Variants in LRRC8D observed in about 807,000 individuals in gnomAD.
LRRC8D encodes the protein volume-regulated anion channel subunit LRRC8D.
LRRC8D carries 20 observed loss-of-function variants against 55.8 expected under a neutral mutation model. The observed-to-expected ratio is 0.36, with a 90% CI of 0.25 to 0.52. The LOEUF is 0.52. LRRC8D is among the 20% of genes least tolerant of loss of function. The pLI is 0.93. For synonymous variants in LRRC8D, 352 were observed against 377.0 expected (o/e 0.93, Z 0.77); for missense variants, 651 against 1,030.8 (o/e 0.63, Z 5.05).
At chr1:89,857,382 CAAAAAAAAAAAA>C (rs759975883) in intron 2 of LRRC8D, among the ~76,000 whole-genome samples, 1 of 63,044 alleles carries the variant, frequency 1.6e-5, no homozygotes, top group African/African-American at 5.8e-5. Flanking sequence ...AACTCCATCT[CAAAAAAAAAAAA>C]AAAAAAAAAA....
intron 2 of LRRC8D, among the ~76,000 whole-genome samples, chr1:89,864,737 A>T (rs560022736): frequency 2.6e-5 from 4 of 152,284 alleles, no homozygotes; most frequent in Non-Finnish European, 4.4e-5. Context: ...TAAGACATCA[A>T]GACCTTGCCG....
rs1660657720 is a variant in LRRC8D at position 89,822,419 on chromosome 1, C to T, written c.-148+1128C>T. Among the ~76,000 whole-genome samples the T allele has an allele frequency of 1.3e-5, 2 of 152,212 alleles. 1 individual carries two copies. The highest frequency in any genetic ancestry group is 2.9e-5 in the Non-Finnish European group (2 of 68,040). ...TTATATTTGGCTCCTCGTTGCCTCG[C>T]AGATTTCCTGCTCTTGGATCTTCAA... On this transcript the variant is annotated intron_variant, in intron 1 of 2. Coordinates refer to ENST00000337338, the MANE Select transcript of LRRC8D (RefSeq NM_001134479.2).
At chr1:89,880,363 A>G (rs1662251846) in intron 2 of LRRC8D, among the ~76,000 whole-genome samples, 1 of 151,860 alleles carries the variant, frequency 6.6e-6, no homozygotes, top group African/African-American at 2.4e-5. Flanking sequence ...CATTGGAGTG[A>G]TGAGCTTTAG....
intron 2 of LRRC8D, among the ~76,000 whole-genome samples, chr1:89,921,836 A>C (rs1274576238): frequency 2.0e-5 from 3 of 151,564 alleles, no homozygotes; most frequent in African/African-American, 7.3e-5. Context: ...GAGCCACTGC[A>C]CCCGGCCAAC....
In LRRC8D at chr1:89,933,542, TC is replaced by T; in HGVS notation, c.476del (p.Pro159ArgfsTer10). On this transcript the variant is annotated frameshift_variant, in exon 3 of 3. Transcript: ENST00000337338. LOFTEE classifies it high-confidence loss of function. The surrounding 1 kb of genome is among the most constrained non-coding windows in gnomAD (Gnocchi z 7.0). ...INQMCYHLAL[P>X]WYSKYFPYLA... ...ATCAAATGTGTTACCATCTGGCCCTTCCGTGGTATTCTAAGTACTTTCCATA... is the reference window on the plus strand; with the variant it reads ...ATCAAATGTGTTACCATCTGGCCCTTCGTGGTATTCTAAGTACTTTCCATA... 1 of 1,614,196 alleles carries T rather than the reference TC, an allele frequency of 6.2e-7. No homozygotes were observed. Among genetic ancestry groups the T allele is most frequent in the Non-Finnish European group, 8.5e-7 (1 of 1,180,022 alleles).
chr1:89,834,027 CA>C (rs2100717348), intron 1 of LRRC8D, among the ~76,000 whole-genome samples: 1 of 152,212 alleles, frequency 6.6e-6, no homozygotes, highest in Admixed American at 6.5e-5. Context: ...TGCTGTAGTT[CA>C]AAGCAAACAG....
chr1:89,844,065 C>G (rs1039676209), intron 2 of LRRC8D, among the ~76,000 whole-genome samples: 4 of 152,194 alleles, frequency 2.6e-5, no homozygotes, highest in Non-Finnish European at 5.9e-5. Flanking sequence ...TGCCAGTGCT[C>G]GGGGAGTCTT....
intron 1 of LRRC8D, among the ~76,000 whole-genome samples, chr1:89,834,080 A>G (rs1557441760): frequency 6.6e-6 from 1 of 152,246 alleles, no homozygotes; most frequent in African/African-American, 2.4e-5. Context: ...TTTGTTCATT[A>G]GAATTTTGAA....
At chr1:89,865,773 T>G (rs1315180702) in intron 2 of LRRC8D, among the ~76,000 whole-genome samples, 1 of 152,232 alleles carries the variant, frequency 6.6e-6, no homozygotes, top group African/African-American at 2.4e-5. Flanking sequence ...TCAAAGATGA[T>G]GTTACCATTT....
intron 2 of LRRC8D, among the ~76,000 whole-genome samples, chr1:89,878,389 C>T (rs1425959786): frequency 6.6e-6 from 1 of 152,184 alleles, no homozygotes; most frequent in Non-Finnish European, 1.5e-5. Flanking sequence ...TTGATCAGTA[C>T]ATAATATGAG....
rs535870153 is a variant in LRRC8D, at chr1:89,930,882, T to G, written c.-2-2185T>G. ...TCTTCCTGCTTATCCAAGCCATTCA[T>G]GAAAGCAAAACCCACACAAGATACA... On this transcript the variant is annotated intron_variant, in intron 2 of 2. Transcript: ENST00000337338. 2.0e-5 allele frequency among the ~76,000 whole-genome samples: 3 copies of G among 151,868 alleles called. No individual in the cohort carries two copies. The South Asian group carries it at 6.3e-4, about 32-fold the overall frequency.
intron 2 of LRRC8D, among the ~76,000 whole-genome samples, chr1:89,912,982 C>T (rs1482421281): frequency 6.6e-6 from 1 of 152,140 alleles, no homozygotes; most frequent in Non-Finnish European, 1.5e-5. Flanking sequence ...ATGTTTATTT[C>T]CTCCTTACAG....
intron 2 of LRRC8D, among the ~76,000 whole-genome samples, chr1:89,877,791 C>G (rs1662183389): frequency 1.3e-5 from 2 of 152,196 alleles, no homozygotes; most frequent in African/African-American, 4.8e-5. Context: ...AACTGAAACT[C>G]TTCAAAAATA....
At chr1:89,875,655 G>A (rs1662128650) in intron 2 of LRRC8D, among the ~76,000 whole-genome samples, 1 of 152,068 alleles carries the variant, frequency 6.6e-6, no homozygotes, top group Non-Finnish European at 1.5e-5. Flanking sequence ...TCTATATGTT[G>A]TCATCTGACA....
chr1:89,877,025 A>G (rs774540099), intron 2 of LRRC8D, among the ~76,000 whole-genome samples: 78 of 152,254 alleles, frequency 5.1e-4, no homozygotes, highest in Non-Finnish European at 1.0e-3. Context: ...TTTAAACCTC[A>G]ATAGCCACAT....
At chr1:89,856,940 A>G (rs562634328) in intron 2 of LRRC8D, among the ~76,000 whole-genome samples, 33 of 152,328 alleles carry the variant, frequency 2.2e-4, no homozygotes, top group African/African-American at 7.7e-4. Context: ...CTCTTTGAGA[A>G]TGTCAATTAT....
Position 89,935,449 on chromosome 1 carries a change from T to C in LRRC8D, c.2381T>C (p.Val794Ala), listed in dbSNP as rs1264767601. 1.2e-6 allele frequency: 2 copies of C among 1,614,200 alleles called. No individual in the cohort carries two copies. Among genetic ancestry groups the C allele is most frequent in the South Asian group, 2.2e-5 (2 of 91,088 alleles). Residue 794 changes from valine (V) to alanine (A), a missense_variant, in exon 3 of 3, where the codon GTT (valine) becomes GCT (alanine). By Grantham distance (64) the Val-to-Ala change is moderately conservative. Transcript: ENST00000337338. The stretch of plus-strand genomic sequence containing the variant: ...TGCATCACCTCACTCCCAGAGAAAG[T>C]TGGTCAGCTCTCCCAGCTCACTCAG... Reference protein sequence around the residue: ...QNCITSLPEKVGQLSQLTQLE... With the variant: ...QNCITSLPEKAGQLSQLTQLE...
chr1:89,851,941 A>C (rs1184734541), intron 2 of LRRC8D, among the ~76,000 whole-genome samples: 2 of 152,228 alleles, frequency 1.3e-5, no homozygotes, highest in African/African-American at 4.8e-5. Context: ...AGGTTAGGCT[A>C]AGACAAAGAT....
chr1:89,870,990 T>G (rs1284508208), intron 2 of LRRC8D, among the ~76,000 whole-genome samples: 1 of 152,228 alleles, frequency 6.6e-6, no homozygotes, highest in Non-Finnish European at 1.5e-5. Context: ...TAATCCTACT[T>G]TAAGTTGGTT....
Sources: allele counts gnomAD v4.1 joint callset (sites outside exome capture counted in the v4.1 genomes callset), GRCh38; gene constraint gnomAD v4.1.1; non-coding constraint Gnocchi (gnomAD v3.1); transcripts MANE v1.5; gene names NCBI Gene and HGNC (gene_info 2026-07-23, HGNC 2026-07-21).